EN1: variants seen among roughly 807,000 people sequenced by gnomAD.
The protein encoded by EN1 is engrailed homeobox 1.
EN1 carries 8 observed loss-of-function variants against 22.9 expected under a neutral mutation model. The observed-to-expected ratio is 0.35, with a 90% CI of 0.20 to 0.63. The LOEUF (loss-of-function observed/expected upper bound fraction) is 0.63. Ranked by LOEUF, EN1 falls within the 20% of genes least tolerant of loss-of-function variation. The pLI is 0.73. For synonymous variants in EN1, 287 were observed against 262.5 expected (o/e 1.09, Z -0.90); for missense variants, 521 against 572.1 (o/e 0.91, Z 0.91).
chr2:118,846,653 G>C lies in EN1; in HGVS notation c.515C>G (p.Ala172Gly). The change falls in exon 1 of 2, where the codon GCC becomes GGC. Residue 172 changes from alanine (A) to glycine (G), a missense_variant. By Grantham distance (60) the Ala-to-Gly change is moderately conservative. Transcript: ENST00000295206. This position sits in a 1 kb window ranked among gnomAD's most constrained non-coding sequence, Gnocchi z 5.0. ...GGGTGGGCCACAGTTCGCGTCCGGG[G>C]CGCACAGGAGCGAGGCAGCGCCTGG... ...RAPGAASLLC[A>G]PDANCGPPDG... 6.4e-7 allele frequency: 1 copy of C among 1,551,782 alleles called. No individual in the cohort carries two copies. Among genetic ancestry groups the C allele is most frequent in the South Asian group, 1.2e-5 (1 of 86,000 alleles).
chr2:118,845,318 C>A (rs1678252919), intron 1 of EN1, among the ~76,000 whole-genome samples: 1 of 152,240 alleles, frequency 6.6e-6, no homozygotes, highest in Non-Finnish European at 1.5e-5. Flanking sequence ...TGGGCCAAAG[C>A]TTCTGCCGCT....
chr2:118,845,057 G>A (rs1247790869), intron 1 of EN1, among the ~76,000 whole-genome samples: 1 of 152,250 alleles, frequency 6.6e-6, no homozygotes, highest in Non-Finnish European at 1.5e-5. Flanking sequence ...TAGTCTCCCG[G>A]CCAGCCCGAG....
chr2:118,846,582 C>T lies in EN1; in HGVS notation c.586G>A (p.Gly196Arg), dbSNP rs1186653397. ...AAAGAGASKA[G>R]NPAAAAAAAA... is the part of the protein sequence containing the mutation. ...GCCGCCGCCGCCGCAGCCGGGTTCC[C>T]AGCTTTAGACGCGCCCGCGCCGGCG... Residue 196 changes from glycine (G) to arginine (R), a missense_variant, in exon 1 of 2, where the codon GGG (glycine) becomes AGG (arginine). Gly to Arg is a moderately radical substitution (Grantham distance 125, BLOSUM62 -2). This residue lies in a region of EN1 where 436 missense variants were observed against 410.1 expected (regional missense o/e 1.06). Transcript: ENST00000295206. This position sits in a 1 kb window ranked among gnomAD's most constrained non-coding sequence, Gnocchi z 5.0. 3 of 1,257,796 alleles carry T rather than the reference C, an allele frequency of 2.4e-6. No homozygotes were observed. Among genetic ancestry groups the T allele is most frequent in the Non-Finnish European group, 2.0e-6 (2 of 1,005,558 alleles). 77.9% of individuals were successfully genotyped at this position (1,257,796 alleles called of 1,614,324 possible).
intron 1 of EN1, among the ~76,000 whole-genome samples, chr2:118,843,491 A>G (rs183259746): frequency 3.3e-5 from 5 of 152,300 alleles, no homozygotes; most frequent in African/African-American, 1.2e-4. Context: ...TTGGGAGGGC[A>G]AAGGAGCAGT....
In EN1 at chr2:118,846,936, G is replaced by C; in HGVS notation, c.232C>G (p.Pro78Ala). ...AGATGCTGAGGCGGCGGGGGCGGGG[G>C]GTGTGGGGGGAGGTGCGGGTGGTGG... Reference protein sequence around the residue: ...LAHHPHLPPHPPPPPPQHLAA... With the variant: ...LAHHPHLPPHAPPPPPQHLAA... The change falls in exon 1 of 2, where the codon CCC becomes GCC. Residue 78 changes from proline (P) to alanine (A), a missense_variant. Pro to Ala is a conservative substitution (Grantham distance 27). This residue lies in a region of EN1 where 436 missense variants were observed against 410.1 expected (regional missense o/e 1.06). Transcript: ENST00000295206. The surrounding 1 kb of genome is among the most constrained non-coding windows in gnomAD (Gnocchi z 5.0). 1 of 1,501,864 alleles carries C rather than the reference G, an allele frequency of 6.7e-7. No homozygotes were observed. The highest frequency in any genetic ancestry group is 2.7e-5 in the East Asian group (1 of 36,396). The allele number at this position is 1,501,864 out of a possible 1,614,324, so 93.0% of individuals were successfully genotyped here.
At position 118,846,316 on chromosome 2, in the gene EN1, A is replaced by G; in HGVS notation, c.852T>C (p.Arg284=). 1 of 1,611,974 alleles carries G rather than the reference A, an allele frequency of 6.2e-7. No homozygotes were observed. The highest frequency in any genetic ancestry group is 8.5e-7 in the Non-Finnish European group (1 of 1,179,246). The change falls in exon 1 of 2, where the codon CGT becomes CGC. Residue 284 remains arginine (R), a synonymous_variant. Coordinates refer to ENST00000295206, the MANE Select transcript of EN1 (RefSeq NM_001426.4). This position sits in a 1 kb window ranked among gnomAD's most constrained non-coding sequence, Gnocchi z 5.0. The part of the protein sequence containing the change: ...AWVYCTRYSD[R]PSSGPRTRKL... ...GAGTTGGGTACTCACCGGAGGATGG[A>G]CGATCCGAATAACGTGTGCAGTACA...
chr2:118,842,917 C>T lies in EN1; in HGVS notation c.*21G>A, dbSNP rs778104466. On this transcript the variant is annotated 3_prime_UTR_variant, in exon 2 of 2. Coordinates refer to ENST00000295206, the MANE Select transcript of EN1 (RefSeq NM_001426.4). Reference sequence around the variant, plus strand: ...CGGCGGTGCCGGGAGGGGGCGCGGGCGCGGCCCCGGCCTGTGGCGGCTACT... The same window carrying T: ...CGGCGGTGCCGGGAGGGGGCGCGGGTGCGGCCCCGGCCTGTGGCGGCTACT... 2.5e-6 allele frequency: 4 copies of T among 1,585,602 alleles called. No homozygotes were observed. Among genetic ancestry groups the T allele is most frequent in the Non-Finnish European group, 2.6e-6 (3 of 1,161,444 alleles).
chr2:118,845,227 G>A (rs547928265), intron 1 of EN1, among the ~76,000 whole-genome samples: 2 of 152,230 alleles, frequency 1.3e-5, no homozygotes, highest in African/African-American at 2.4e-5. Flanking sequence ...GTGGGGCGGC[G>A]AGAGACCAGC....
Position 118,846,521 on chromosome 2 carries a change from G to A in EN1, c.647C>T (p.Ala216Val). 1 of 1,275,964 alleles carries A rather than the reference G, an allele frequency of 7.8e-7. No individual in the cohort carries two copies. Among genetic ancestry groups the A allele is most frequent in the Non-Finnish European group, 9.9e-7 (1 of 1,005,840 alleles). 79.0% of individuals were successfully genotyped at this position (1,275,964 alleles called of 1,614,324 possible). ...AAAVAAAAAA[A>V]AAKPSDTGGG... ...ACCGGTGTCCGAGGGCTTGGCTGCT[G>A]CGGCCGCCGCCGCCGCCGCCACTGC... The change falls in exon 1 of 2, where the codon GCA becomes GTA. Residue 216 changes from alanine (A) to valine (V), a missense_variant. Ala to Val is a moderately conservative substitution (Grantham distance 64). This residue lies in a region of EN1 where 436 missense variants were observed against 410.1 expected (regional missense o/e 1.06). Transcript: ENST00000295206. This position sits in a 1 kb window ranked among gnomAD's most constrained non-coding sequence, Gnocchi z 5.0.
Position 118,847,183 on chromosome 2 carries a change from C to T in EN1, c.-16G>A, listed in dbSNP as rs1017851195. Reference sequence around the variant, plus strand: ...GTTCTTCCATGCTCGGCCGCCCCGCCGCCCCGGCCGCCGCGCCGGCCCCCG... The same window carrying T: ...GTTCTTCCATGCTCGGCCGCCCCGCTGCCCCGGCCGCCGCGCCGGCCCCCG... On this transcript the variant is annotated 5_prime_UTR_variant, in exon 1 of 2. Coordinates refer to ENST00000295206, the MANE Select transcript of EN1 (RefSeq NM_001426.4). 3 of 797,114 alleles carry T rather than the reference C, an allele frequency of 3.8e-6. No individual in the cohort carries two copies. Among genetic ancestry groups the T allele is most frequent in the African/African-American group, 3.7e-5 (2 of 54,362 alleles). The allele number at this position is 797,114 out of a possible 1,614,324, so 49.4% of individuals were successfully genotyped here. A position where few individuals can be genotyped will look rare whatever the true frequency, so the allele number is the denominator to read the frequency against.
rs771286294 is a variant in EN1 at position 118,846,871 on chromosome 2, C to T, written c.297G>A (p.Leu99=). 1 of 1,580,582 alleles carries T rather than the reference C, an allele frequency of 6.3e-7. No homozygotes were observed. Among genetic ancestry groups the T allele is most frequent in the Non-Finnish European group, 8.5e-7 (1 of 1,170,732 alleles). Residue 99 remains leucine (L), a synonymous_variant, in exon 1 of 2, where the codon CTG becomes CTA. Transcript: ENST00000295206. This position sits in a 1 kb window ranked among gnomAD's most constrained non-coding sequence, Gnocchi z 5.0. ...PAHQPQPAAQ[L]HRTTNFFIDN... is the part of the protein sequence containing the mutation. ...CGATGAAAAAGTTGGTGGTGCGGTGCAGCTGGGCCGCTGGCTGCGGCTGGT... is the reference window on the plus strand; with the variant it reads ...CGATGAAAAAGTTGGTGGTGCGGTGTAGCTGGGCCGCTGGCTGCGGCTGGT...
In EN1 at chr2:118,847,022, G is replaced by C; in HGVS notation, c.146C>G (p.Pro49Arg). 1.4e-6 allele frequency: 2 copies of C among 1,405,516 alleles called. No individual in the cohort carries two copies. The highest frequency in any genetic ancestry group is 9.2e-7 in the Non-Finnish European group (1 of 1,084,056). The allele number at this position is 1,405,516 out of a possible 1,614,324, so 87.1% of individuals were successfully genotyped here. ...SGSGSDGDSV[P>R]VSPQPAPPSP... ...GGGGGGCGCAGGCTGCGGGGACACC[G>C]GCACGCTGTCTCCATCGCTGCCGCT... Residue 49 changes from proline to arginine, a missense_variant, in exon 1 of 2, where the codon CCG becomes CGG. Pro to Arg is a moderately radical substitution (Grantham distance 103). Transcript: ENST00000295206.
Position 118,847,030 on chromosome 2 carries a change from G to C in EN1, c.138C>G (p.Asp46Glu). 1 of 1,412,912 alleles carries C rather than the reference G, an allele frequency of 7.1e-7. No individual in the cohort carries two copies. The highest frequency in any genetic ancestry group is 9.2e-7 in the Non-Finnish European group (1 of 1,086,832). The allele number at this position is 1,412,912 out of a possible 1,614,324, so 87.5% of individuals were successfully genotyped here. Residue 46 changes from aspartate (D) to glutamate (E), a missense_variant, in exon 1 of 2, where the codon GAC (aspartate) becomes GAG (glutamate). Asp to Glu is a conservative substitution (Grantham distance 45). Transcript: ENST00000295206. The stretch of plus-strand genomic sequence containing the variant: ...CAGGCTGCGGGGACACCGGCACGCT[G>C]TCTCCATCGCTGCCGCTGCCGCTGC... Reference protein sequence around the residue: ...SGSSGSGSDGDSVPVSPQPAP... With the variant: ...SGSSGSGSDGESVPVSPQPAP...
chr2:118,846,500 G>A lies in EN1; in HGVS notation c.668C>T (p.Thr223Ile), dbSNP rs1430141508. 1.9e-6 allele frequency: 3 copies of A among 1,549,626 alleles called. No individual in the cohort carries two copies. Among genetic ancestry groups the A allele is most frequent in the Admixed American group, 3.8e-5 (2 of 53,124 alleles). The change falls in exon 1 of 2, where the codon ACC becomes ATC. Residue 223 changes from threonine (T) to isoleucine (I), a missense_variant. This residue lies in a region of EN1 where 436 missense variants were observed against 410.1 expected (regional missense o/e 1.06). Transcript: ENST00000295206. The surrounding 1 kb of genome is among the most constrained non-coding windows in gnomAD (Gnocchi z 5.0). ...GCCGCCTCCACTGCCGCCGCCACCG[G>A]TGTCCGAGGGCTTGGCTGCTGCGGC... ...AAAAAAKPSD[T>I]GGGGSGGGAG...
In EN1 at chr2:118,847,313, A is replaced by G; in HGVS notation, c.-146T>C. On this transcript the variant is annotated 5_prime_UTR_variant, in exon 1 of 2. Transcript: ENST00000295206. The stretch of plus-strand genomic sequence containing the variant: ...GCGAAGGCACGGGGCGGGTGCAGGA[A>G]AAAAGCTCAGGCGTCTGGCCTGGAT... The G allele has an allele frequency of 2.5e-6, 1 of 403,852 alleles. No homozygotes were observed. Among genetic ancestry groups the G allele is most frequent in the Non-Finnish European group, 4.3e-6 (1 of 230,566 alleles). The allele number at this position is 403,852 out of a possible 1,614,324, so 25.0% of individuals were successfully genotyped here. A position where few individuals can be genotyped will look rare whatever the true frequency, so the allele number is the denominator to read the frequency against.
Position 118,846,343 on chromosome 2 carries a change from C to G in EN1, c.825G>C (p.Trp275Cys). The G allele has an allele frequency of 6.2e-7, 1 of 1,612,996 alleles. No individual in the cohort carries two copies. The highest frequency in any genetic ancestry group is 8.5e-7 in the Non-Finnish European group (1 of 1,179,714). ...GATCCGAATAACGTGTGCAGTACACCCAGGCGGGCCATACGAGAGGCTGCT... is the reference window on the plus strand; with the variant it reads ...GATCCGAATAACGTGTGCAGTACACGCAGGCGGGCCATACGAGAGGCTGCT... The part of the protein sequence containing the change: ...DSQQPLVWPA[W>C]VYCTRYSDRP... Residue 275 changes from tryptophan to cysteine, a missense_variant, in exon 1 of 2, where the codon TGG becomes TGC. Physicochemically the swap from Trp to Cys is radical, Grantham distance 215. This residue lies in a region of EN1 where 50 missense variants were observed against 121.8 expected (regional missense o/e 0.41). Coordinates refer to ENST00000295206, the MANE Select transcript of EN1 (RefSeq NM_001426.4). The surrounding 1 kb of genome is among the most constrained non-coding windows in gnomAD (Gnocchi z 5.0).
rs942498753 is a variant in EN1 at position 118,846,543 on chromosome 2, C to T, written c.625G>A (p.Val209Met). 2 of 1,193,214 alleles carry T rather than the reference C, an allele frequency of 1.7e-6. No homozygotes were observed. Among genetic ancestry groups the T allele is most frequent in the South Asian group, 8.2e-5 (2 of 24,406 alleles). The allele number at this position is 1,193,214 out of a possible 1,614,324, so 73.9% of individuals were successfully genotyped here. ...GCTGCGGCCGCCGCCGCCGCCGCCA[C>T]TGCCGCCGCGGCCGCCGCCGCCGCC... ...AAAAAAAAAA[V>M]AAAAAAAAAK... Residue 209 changes from valine (V) to methionine (M), a missense_variant, in exon 1 of 2, where the codon GTG becomes ATG. By Grantham distance (21) the Val-to-Met change is conservative (BLOSUM62 1). Around this residue, in one of 3 missense-constraint regions of EN1, gnomAD observed 436 missense variants for 410.1 expected, o/e 1.06. Coordinates refer to ENST00000295206, the MANE Select transcript of EN1 (RefSeq NM_001426.4). This position sits in a 1 kb window ranked among gnomAD's most constrained non-coding sequence, Gnocchi z 5.0.
rs1678210237 is a variant in EN1 at position 118,842,768 on chromosome 2, G to C, written c.*170C>G. 2.6e-6 allele frequency: 3 copies of C among 1,162,922 alleles called. No individual in the cohort carries two copies. Among genetic ancestry groups the C allele is most frequent in the Middle Eastern group, 3.0e-4 (1 of 3,362 alleles). 72.0% of individuals were successfully genotyped at this position (1,162,922 alleles called of 1,614,324 possible). A position where few individuals can be genotyped will look rare whatever the true frequency, so the allele number is the denominator to read the frequency against. ...CGAGTCTTTCTCCCTTTTCAAAAAT[G>C]CTGCGTTTCAACGTCATTGTCCATT... On this transcript the variant is annotated 3_prime_UTR_variant, in exon 2 of 2. Coordinates refer to ENST00000295206, the MANE Select transcript of EN1 (RefSeq NM_001426.4).
rs769035512 is a variant in EN1, at chr2:118,846,553, G to GGCC, written c.612_614dup (p.Ala208dup). The GGCC allele has an allele frequency of 2.4e-5, 29 of 1,186,518 alleles. No homozygotes were observed. The East Asian group carries it at 4.4e-4, about 18-fold the overall frequency. The allele number at this position is 1,186,518 out of a possible 1,614,324, so 73.5% of individuals were successfully genotyped here. A position where few individuals can be genotyped will look rare whatever the true frequency, so the allele number is the denominator to read the frequency against. Reference sequence around the variant, plus strand: ...CCGCCGCCGCCGCCACTGCCGCCGCGGCCGCCGCCGCCGCCGCAGCCGGGT... The same window carrying GGCC: ...CCGCCGCCGCCGCCACTGCCGCCGCGGCCGCCGCCGCCGCCGCCGCAGCCGGGT... On this transcript the variant is annotated inframe_insertion, in exon 1 of 2. Coordinates refer to ENST00000295206, the MANE Select transcript of EN1 (RefSeq NM_001426.4). This position sits in a 1 kb window ranked among gnomAD's most constrained non-coding sequence, Gnocchi z 5.0.
Sources: gnomAD v4.1 joint callset for allele counts (sites outside exome capture counted in the v4.1 genomes callset) on GRCh38, gnomAD v4.1.1 for gene constraint, gnomAD v4.1.1 regional missense constraint, Gnocchi (gnomAD v3.1) non-coding constraint, MANE v1.5 for transcripts, NCBI Gene and HGNC (gene_info 2026-07-23, HGNC 2026-07-21) for gene names.